Variants in LNX1 observed in about 807,000 individuals in gnomAD.
LNX1 encodes ligand of numb-protein X 1, also known as E3 ubiquitin-protein ligase LNX.
A neutral mutation model predicts 68.4 loss-of-function variants in LNX1; 54 were observed. The ratio of observed to expected loss-of-function variants is 0.79; its 90% confidence interval spans 0.63 to 0.99. LNX1 has a LOEUF of 0.99. LNX1 is among the 50% of genes least tolerant of loss of function. LNX1 has a pLI of 0.00. For synonymous variants in LNX1, 336 were observed against 350.0 expected (o/e 0.96, Z 0.45); for missense variants, 906 against 926.4 (o/e 0.98, Z 0.29).
chr4:53,546,081 A>T (rs1453247033), intron 2 of LNX1, among the ~76,000 whole-genome samples: 47 of 152,172 alleles, frequency 3.1e-4, no homozygotes, highest in Non-Finnish European at 1.5e-5. Flanking sequence ...TACTGAGATT[A>T]CAGGCATGAG....
At chr4:53,472,756 C>T (rs1723318125) in intron 9 of LNX1, among the ~76,000 whole-genome samples, 2 of 148,532 alleles carry the variant, frequency 1.3e-5, no homozygotes, top group Admixed American at 1.3e-4. Context: ...AACGTGAAAG[C>T]CGCCAAAGGT....
intron 7 of LNX1, among the ~76,000 whole-genome samples, chr4:53,480,881 C>G (rs1309949248): frequency 3.9e-5 from 6 of 152,066 alleles, no homozygotes; most frequent in South Asian, 2.1e-4. Flanking sequence ...AATGAGCTAC[C>G]TTTAAGAATT....
chr4:53,476,699 GA>G, intron 9 of LNX1, 53 bp downstream of exon 9: 1 of 1,464,156 alleles, frequency 6.8e-7, no homozygotes, highest in Non-Finnish European at 9.6e-7. Context: ...AGTGGTTTAA[GA>G]AATGTAATCG....
rs1248158167 is a variant in LNX1 at position 53,459,505 on chromosome 4, G to GTTAT, written c.*1398_*1401dup. 1 of 1,605,684 alleles carries GTTAT rather than the reference G, an allele frequency of 6.2e-7. No homozygotes were observed. The highest frequency in any genetic ancestry group is 1.7e-5 in the Admixed American group (1 of 59,412). On this transcript the variant is annotated 3_prime_UTR_variant, in exon 11 of 11. Coordinates refer to ENST00000263925, the MANE Select transcript of LNX1 (RefSeq NM_001126328.3). Reference sequence around the variant, plus strand: ...ACCAGAAGTAGATACTATAAATCTTGTTATTTTTCTGGATAATGTTTAAGA... The same window carrying GTTAT: ...ACCAGAAGTAGATACTATAAATCTTGTTATTTATTTTTCTGGATAATGTTTAAGA...
intron 7 of LNX1, 60 bp downstream of exon 7, chr4:53,481,660 A>T (rs1723918687): frequency 2.6e-6 from 4 of 1,563,034 alleles, no homozygotes; most frequent in Non-Finnish European, 3.5e-6. Context: ...TGTTAAAACA[A>T]GCAGCCTTCC....
chr4:53,575,557 T>A, intron 1 of LNX1: 2 of 985,334 alleles, frequency 2.0e-6, no homozygotes, highest in Non-Finnish European at 2.4e-6. Context: ...AGGAGCCCAG[T>A]GCAAACTAGG....
At chr4:53,537,478 T>C (rs1426121465) in intron 2 of LNX1, among the ~76,000 whole-genome samples, 1 of 152,220 alleles carries the variant, frequency 6.6e-6, no homozygotes, top group Non-Finnish European at 1.5e-5. Context: ...TTGGAAAACA[T>C]TGATTAGCTT....
chr4:53,558,517 C>A (rs1730080522), intron 2 of LNX1, among the ~76,000 whole-genome samples: 1 of 152,176 alleles, frequency 6.6e-6, no homozygotes, highest in South Asian at 2.1e-4. Context: ...GAAATATGAA[C>A]CAACCCCACC....
chr4:53,489,295 G>C (rs1724526716), intron 6 of LNX1, among the ~76,000 whole-genome samples: 1 of 152,004 alleles, frequency 6.6e-6, no homozygotes, highest in Non-Finnish European at 1.5e-5. Flanking sequence ...GCAGCAATAT[G>C]GTTTATTTTT....
chr4:53,547,742 C>T (rs1471880075), intron 2 of LNX1, among the ~76,000 whole-genome samples: 6 of 151,936 alleles, frequency 3.9e-5, no homozygotes, highest in African/African-American at 7.3e-5. Context: ...TAGAAGGGCA[C>T]CAGAATTCCC....
At chr4:53,519,345 C>T (rs932993003) in intron 2 of LNX1, among the ~76,000 whole-genome samples, 2 of 152,086 alleles carry the variant, frequency 1.3e-5, no homozygotes, top group Admixed American at 6.5e-5. Flanking sequence ...TTACCCATCT[C>T]CCACTGGGTG....
In LNX1 at chr4:53,459,536, A is replaced by G. The variant is rs751522033; in HGVS notation, c.*1371T>C. 6.4e-7 allele frequency: 1 copy of G among 1,563,088 alleles called. No homozygotes were observed. On this transcript the variant is annotated 3_prime_UTR_variant, in exon 11 of 11. Coordinates refer to ENST00000263925, the MANE Select transcript of LNX1 (RefSeq NM_001126328.3). ...TTTCTGGATAATGTTTAAGAAATTTACCTTAAATCTTGTTCTGTTTGTTAG... is the reference window on the plus strand; with the variant it reads ...TTTCTGGATAATGTTTAAGAAATTTGCCTTAAATCTTGTTCTGTTTGTTAG...
At chr4:53,619,348 C>G (rs1175674570), upstream of LNX1, among the ~76,000 whole-genome samples, 1 of 152,162 alleles carries the variant, frequency 6.6e-6, no homozygotes, top group Non-Finnish European at 1.5e-5. Context: ...ATACCCCATT[C>G]CCTCATTCCC....
chr4:53,532,367 C>T (rs1460750211), intron 2 of LNX1, among the ~76,000 whole-genome samples: 3 of 151,870 alleles, frequency 2.0e-5, no homozygotes, highest in South Asian at 2.1e-4. Flanking sequence ...CCCGGCTACT[C>T]GGGAGGCTGA....
At chr4:53,503,212 A>AT (rs2109498024) in intron 4 of LNX1, among the ~76,000 whole-genome samples, 1 of 152,306 alleles carries the variant, frequency 6.6e-6, no homozygotes, top group East Asian at 1.9e-4. Flanking sequence ...TAATGTTGAT[A>AT]TTTTGACCTC....
chr4:53,592,386 C>T (rs1338682391), upstream of LNX1, among the ~76,000 whole-genome samples: 2 of 152,178 alleles, frequency 1.3e-5, no homozygotes, highest in African/African-American at 4.8e-5. Flanking sequence ...GTAAACTCAT[C>T]CAGCACCAGA....
chr4:53,462,154 C>T (rs147492649), intron 9 of LNX1, among the ~76,000 whole-genome samples: 1 of 151,850 alleles, frequency 6.6e-6, no homozygotes, highest in African/African-American at 2.4e-5. Context: ...GAAACAGAAA[C>T]GTTTAAAGAT....
chr4:53,528,266 G>T (rs534250484), intron 2 of LNX1, among the ~76,000 whole-genome samples: 1 of 152,156 alleles, frequency 6.6e-6, no homozygotes, highest in African/African-American at 2.4e-5. Context: ...TTTGCTTTCC[G>T]CAGTTTCAGT....
intron 2 of LNX1, chr4:53,558,234 T>C: frequency 8.0e-7 from 1 of 1,244,200 alleles, no homozygotes; most frequent in African/African-American, 1.5e-5. Flanking sequence ...GGCAAGCTGA[T>C]GCCCAGGAAA....
Sources: allele counts gnomAD v4.1 joint callset (sites outside exome capture counted in the v4.1 genomes callset), GRCh38; gene constraint gnomAD v4.1.1; transcripts MANE v1.5; gene names NCBI Gene and HGNC (gene_info 2026-07-23, HGNC 2026-07-21).